Variants in MRPL27 observed in about 807,000 individuals in gnomAD.
MRPL27 encodes the protein mitochondrial ribosomal protein L27, also known as large ribosomal subunit protein bL27m.
A neutral mutation model predicts 14.6 loss-of-function variants in MRPL27; 4 were observed. The ratio of observed to expected loss-of-function variants is 0.27; its 90% CI spans 0.14 to 0.63. MRPL27 has a LOEUF of 0.63. Among genes scored for constraint, MRPL27 ranks in the 20% least tolerant of loss-of-function variants. The pLI is 0.85. For synonymous variants in MRPL27, 82 were observed against 75.5 expected (o/e 1.09, Z -0.45); for missense variants, 196 against 192.8 (o/e 1.02, Z -0.10).
chr17:50,369,981 G>A (rs562784708), intron 3 of MRPL27, 51 bp downstream of exon 3: 3 of 1,580,612 alleles, frequency 1.9e-6, no homozygotes, highest in African/African-American at 2.7e-5. Context: ...TAGGGGCAAG[G>A]AGAGGTCAAC....
rs115623988 is a variant in MRPL27, at chr17:50,373,178, A to G, written c.-8T>C. 3.5e-3 allele frequency: 5,575 copies of G among 1,614,112 alleles called. 159 individuals carry two copies. In the African/African-American group the frequency reaches 0.063, roughly 18 times the overall value. On this transcript the variant is annotated 5_prime_UTR_variant, in exon 1 of 4. Coordinates refer to ENST00000225969, the MANE Select transcript of MRPL27 (RefSeq NM_016504.3). ...CAACACCACCGACGCCATGCTTTCGATCACTCACTTCCGGTCTCGAAAAGT... is the reference window on the plus strand; with the variant it reads ...CAACACCACCGACGCCATGCTTTCGGTCACTCACTTCCGGTCTCGAAAAGT...
In MRPL27 at chr17:50,370,547, G is replaced by A. The variant is rs377690458; in HGVS notation, c.80C>T (p.Ala27Val). ...CGACTTCTTGGATGCGTATCTGACA[G>A]CAAGAGCTGTAGCCGGAGTGGGGCT... ...LLSPTPATAL[A>V]VRYASKKSGG... The change falls in exon 2 of 4, where the codon GCT (alanine) becomes GTT (valine). Residue 27 changes from alanine (A) to valine (V), a missense_variant. Physicochemically the swap from Ala to Val is moderately conservative, Grantham distance 64. Transcript: ENST00000225969. 6.2e-7 allele frequency: 1 copy of A among 1,614,220 alleles called. No individual in the cohort carries two copies. Among genetic ancestry groups the A allele is most frequent in the South Asian group, 1.1e-5 (1 of 91,086 alleles).
At position 50,368,199 on chromosome 17, in the gene MRPL27, C is replaced by T. The variant is rs1243113064; in HGVS notation, c.340G>A (p.Val114Met). 6.2e-7 allele frequency: 1 copy of T among 1,614,228 alleles called. No individual in the cohort carries two copies. Among genetic ancestry groups the T allele is most frequent in the East Asian group, 2.2e-5 (1 of 44,888 alleles). ...YVPHPRNTEA[V>M]DLITRLPKGA... ...TTGGGCAGCCTGGTGATCAGATCCA[C>T]AGCCTCCGTGTTTCTGGGATGAGGC... The change falls in exon 4 of 4, where the codon GTG (valine) becomes ATG (methionine). Residue 114 changes from valine (V) to methionine (M), a missense_variant. Coordinates refer to ENST00000225969, the MANE Select transcript of MRPL27 (RefSeq NM_016504.3).
chr17:50,369,232 TTTGA>T (rs1371568297), intron 3 of MRPL27: 1 of 222,198 alleles, frequency 4.5e-6, no homozygotes, highest in East Asian at 1.0e-4. Context: ...ATGTGTTAGC[TTTGA>T]TTATTATTGT....
At chr17:50,370,720 T>C (rs1393977834) in intron 1 of MRPL27, 134 bp from the exon 2 acceptor site, 20 of 1,263,746 alleles carry the variant, frequency 1.6e-5, no homozygotes, top group Non-Finnish European at 2.0e-5. Flanking sequence ...TGCCACTGAG[T>C]GTATTAGTTC....
Position 50,368,169 on chromosome 17 carries a change from C to A in MRPL27, c.370G>T (p.Ala124Ser). The A allele has an allele frequency of 6.2e-7, 1 of 1,614,224 alleles. No individual in the cohort carries two copies. Among genetic ancestry groups the A allele is most frequent in the South Asian group, 1.1e-5 (1 of 91,088 alleles). Residue 124 changes from alanine (A) to serine (S), a missense_variant, in exon 4 of 4, where the codon GCT becomes TCT. Coordinates refer to ENST00000225969, the MANE Select transcript of MRPL27 (RefSeq NM_016504.3). ...VDLITRLPKG[A>S]VLYKTFVHVV... ...TGGACAAAAGTCTTGTAGAGCACAG[C>A]ACCCTTGGGCAGCCTGGTGATCAGA...
rs141112355 is a variant in MRPL27, at chr17:50,370,561, C to T, written c.66G>A (p.Pro22=). 40 of 1,614,090 alleles carry T rather than the reference C, an allele frequency of 2.5e-5. No individual in the cohort carries two copies. The African/African-American group carries it at 3.2e-4, about 13-fold the overall frequency. Residue 22 remains proline (P), a synonymous_variant, in exon 2 of 4, where the codon CCG becomes CCA. Coordinates refer to ENST00000225969, the MANE Select transcript of MRPL27 (RefSeq NM_016504.3). ...CGTATCTGACAGCAAGAGCTGTAGC[C>T]GGAGTGGGGCTTAGCAAGGATGTAA... ...TAVTSLLSPT[P]ATALAVRYAS...
Position 50,367,979 on chromosome 17 carries a change from T to C in MRPL27, c.*113A>G, listed in dbSNP as rs1047305076. 43 of 1,168,578 alleles carry C rather than the reference T, an allele frequency of 3.7e-5. 2 individuals carry two copies. The highest frequency in any genetic ancestry group is 1.2e-5 in the Non-Finnish European group (10 of 814,364). The allele number at this position is 1,168,578 out of a possible 1,614,324, so 72.4% of individuals were successfully genotyped here. On this transcript the variant is annotated 3_prime_UTR_variant, in exon 4 of 4. Coordinates refer to ENST00000225969, the MANE Select transcript of MRPL27 (RefSeq NM_016504.3). ...TTCAGAGTCTCCTGCAGAGTCACCA[T>C]CAAGCAGACCTCTTCCTCGGGAGGC...
At chr17:50,368,460 C>G in intron 3 of MRPL27, 162 bp from the exon 4 acceptor site, 1 of 681,408 alleles carries the variant, frequency 1.5e-6, no homozygotes, top group Admixed American at 2.8e-5. Flanking sequence ...ACGTCCAAAC[C>G]TTCTGCTTCT....
At chr17:50,370,780 G>A (rs772495247) in intron 1 of MRPL27, 194 bp from the exon 2 acceptor site, 27 of 615,056 alleles carry the variant, frequency 4.4e-5, no homozygotes, top group East Asian at 1.2e-4. Flanking sequence ...GGGAGGGGGC[G>A]GGGGAGCAGT....
chr17:50,368,755 T>C, intron 3 of MRPL27: 1 of 678,224 alleles, frequency 1.5e-6, no homozygotes, highest in Non-Finnish European at 2.7e-6. Flanking sequence ...GGATAATGCA[T>C]ATGCTAATAA....
chr17:50,367,967 G>T lies in MRPL27; in HGVS notation c.*125C>A. On this transcript the variant is annotated 3_prime_UTR_variant, in exon 4 of 4. Coordinates refer to ENST00000225969, the MANE Select transcript of MRPL27 (RefSeq NM_016504.3). ...CCCAGCAGTCACTTCAGAGTCTCCTGCAGAGTCACCATCAAGCAGACCTCT... is the reference window on the plus strand; with the variant it reads ...CCCAGCAGTCACTTCAGAGTCTCCTTCAGAGTCACCATCAAGCAGACCTCT... 9.5e-7 allele frequency: 1 copy of T among 1,047,670 alleles called. No individual in the cohort carries two copies. The highest frequency in any genetic ancestry group is 1.4e-6 in the Non-Finnish European group (1 of 714,158). 64.9% of individuals were successfully genotyped at this position (1,047,670 alleles called of 1,614,324 possible). A position where few individuals can be genotyped will look rare whatever the true frequency, so the allele number is the denominator to read the frequency against.
At chr17:50,369,069 G>A in intron 3 of MRPL27, 1 of 578,248 alleles carries the variant, frequency 1.7e-6, no homozygotes, top group Non-Finnish European at 3.0e-6. Context: ...TACCAGCACT[G>A]CTACTTACTC....
intron 1 of MRPL27, chr17:50,372,784 A>C (rs918478423): frequency 1.5e-5 from 5 of 340,338 alleles, no homozygotes; most frequent in Non-Finnish European, 2.7e-5. Context: ...AGCACAAAGT[A>C]AGACCTCAAT....
At chr17:50,371,881 C>T (rs1215632162) in intron 1 of MRPL27, among the ~76,000 whole-genome samples, 1 of 152,206 alleles carries the variant, frequency 6.6e-6, no homozygotes, top group African/African-American at 2.4e-5. Context: ...TCACCCTACT[C>T]CCCATCCTCC....
chr17:50,370,394 T>G lies in MRPL27; in HGVS notation c.172+61A>C, dbSNP rs542863697. ...CCAGGCACACGCAGGGTTCTTCTGC[T>G]CTCCTAAGGAACATGAGGACAGGGT... On this transcript the variant is annotated intron_variant, in intron 2 of 3. Transcript: ENST00000225969. The G allele has an allele frequency of 3.7e-6, 6 of 1,609,918 alleles. No homozygotes were observed. The East Asian group carries it at 1.3e-4, about 36-fold the overall frequency.
At chr17:50,371,870 T>G (rs1489078603) in intron 1 of MRPL27, among the ~76,000 whole-genome samples, 4 of 152,196 alleles carry the variant, frequency 2.6e-5, no homozygotes, top group Admixed American at 2.6e-4. Context: ...ATCTTTGCTC[T>G]TCACCCTACT....
Position 50,367,885 on chromosome 17 carries a change from G to A in MRPL27, c.*207C>T, listed in dbSNP as rs1380899739. 3 of 602,018 alleles carry A rather than the reference G, an allele frequency of 5.0e-6. No homozygotes were observed. Among genetic ancestry groups the A allele is most frequent in the African/African-American group, 1.9e-5 (1 of 53,852 alleles). 37.3% of individuals were successfully genotyped at this position (602,018 alleles called of 1,614,324 possible). A position where few individuals can be genotyped will look rare whatever the true frequency, so the allele number is the denominator to read the frequency against. On this transcript the variant is annotated 3_prime_UTR_variant, in exon 4 of 4. Coordinates refer to ENST00000225969, the MANE Select transcript of MRPL27 (RefSeq NM_016504.3). ...CCAGGTGTGTCCCTAAATAGCATGC[G>A]TTCATGACGCTGGCTCACTTTATTT...
chr17:50,372,990 T>A, intron 1 of MRPL27, 141 bp downstream of exon 1: 1 of 1,178,396 alleles, frequency 8.5e-7, no homozygotes, highest in Non-Finnish European at 1.2e-6. Flanking sequence ...AGCGACACCG[T>A]CCCTCAAACC....
Sources: allele counts gnomAD v4.1 joint callset (sites outside exome capture counted in the v4.1 genomes callset), GRCh38; gene constraint gnomAD v4.1.1; transcripts MANE v1.5; gene names NCBI Gene and HGNC (gene_info 2026-07-23, HGNC 2026-07-21).